The following ATP6V0A4 variants were observed in gnomAD, a reference collection of about 807,000 sequenced individuals.
ATP6V0A4 encodes the protein ATPase H+ transporting V0 subunit a4, also known as V-type proton ATPase 116 kDa subunit a 4.
Under a neutral mutation model 107.3 loss-of-function variants are expected in ATP6V0A4, and 86 were observed. The observed-to-expected ratio is 0.80, with a 90% CI of 0.67 to 0.96. ATP6V0A4 has a LOEUF of 0.96. Among genes scored for constraint, ATP6V0A4 ranks in the 40% least tolerant of loss-of-function variants. ATP6V0A4 has a pLI of 0.00. For missense variants in ATP6V0A4, 908 were observed against 1,045.6 expected (o/e 0.87, Z 1.81); for synonymous variants, 353 against 381.4 (o/e 0.93, Z 0.87).
At chr7:138,771,304 A>G (rs1807375323) in intron 2 of ATP6V0A4, 40 bp from the exon 3 acceptor site, 6 of 1,604,996 alleles carry the variant, frequency 3.7e-6, no homozygotes, top group Middle Eastern at 1.7e-4. Flanking sequence ...ATTTAAGGTA[A>G]TAAATGTGTG....
intron 20 of ATP6V0A4, among the ~76,000 whole-genome samples, chr7:138,712,140 C>A (rs1468633901): frequency 6.6e-6 from 1 of 152,164 alleles, no homozygotes; most frequent in Non-Finnish European, 1.5e-5. Context: ...CCATGTTGGC[C>A]AGGCTGGTCT....
Position 138,730,931 on chromosome 7 carries a change from C to CTTTTT in ATP6V0A4, c.1908+1941_1908+1945dup, listed in dbSNP as rs66521953. On this transcript the variant is annotated intron_variant, in intron 17 of 21. Coordinates refer to ENST00000310018, the MANE Select transcript of ATP6V0A4 (RefSeq NM_020632.3). ...CAAGGCATTTTTTCTTCTTCTTCTT[C>CTTTTT]TTTTTTTATTTTTTTTTTTGAGACA... 4.9e-4 allele frequency among the ~76,000 whole-genome samples: 61 copies of CTTTTT among 123,738 alleles called. 1 individual carries two copies. Among genetic ancestry groups the CTTTTT allele is most frequent in the Admixed American group, 8.4e-4 (9 of 10,666 alleles). 81.2% of individuals were successfully genotyped at this position (123,738 alleles called of 152,430 possible).
At chr7:138,726,134 C>T (rs898884915) in intron 18 of ATP6V0A4, among the ~76,000 whole-genome samples, 5 of 151,996 alleles carry the variant, frequency 3.3e-5, no homozygotes, top group East Asian at 3.9e-4. Flanking sequence ...GGACTACAGG[C>T]GCCCGCCACC....
At chr7:138,722,060 A>G (rs560947128) in intron 18 of ATP6V0A4, 35 bp from the exon 19 acceptor site, 3 of 1,613,628 alleles carry the variant, frequency 1.9e-6, no homozygotes, top group East Asian at 4.5e-5. Flanking sequence ...AATGCGCTCA[A>G]CTCACCCTGA....
At chr7:138,770,848 G>GA (rs927820116) in intron 3 of ATP6V0A4, among the ~76,000 whole-genome samples, 2 of 151,828 alleles carry the variant, frequency 1.3e-5, no homozygotes, top group African/African-American at 2.4e-5. Context: ...CTACATAAGA[G>GA]AAAAAAAATT....
chr7:138,781,505 T>C (rs1416093840), intron 2 of ATP6V0A4, among the ~76,000 whole-genome samples: 1 of 152,118 alleles, frequency 6.6e-6, no homozygotes, highest in Non-Finnish European at 1.5e-5. Flanking sequence ...AATTATTTTG[T>C]ACTTTTAGTA....
intron 2 of ATP6V0A4, among the ~76,000 whole-genome samples, chr7:138,785,093 C>A (rs189769744): frequency 1.3e-5 from 2 of 152,102 alleles, no homozygotes; most frequent in Admixed American, 1.3e-4. Flanking sequence ...AGGATAAATA[C>A]AGAGCCAGCT....
chr7:138,747,882 G>C (rs979488781), intron 12 of ATP6V0A4, among the ~76,000 whole-genome samples: 7 of 152,048 alleles, frequency 4.6e-5, no homozygotes, highest in African/African-American at 1.7e-4. Context: ...AGCCTCTTGA[G>C]TAGCTGGAAC....
chr7:138,719,422 A>C (rs1202741314), intron 19 of ATP6V0A4, among the ~76,000 whole-genome samples: 1 of 152,090 alleles, frequency 6.6e-6, no homozygotes, highest in Non-Finnish European at 1.5e-5. Context: ...ATGCTTAGAG[A>C]GTTGGGAATG....
intron 1 of ATP6V0A4, among the ~76,000 whole-genome samples, chr7:138,790,812 G>A (rs890333618): frequency 7.2e-5 from 11 of 152,254 alleles, no homozygotes; most frequent in Middle Eastern, 6.8e-3. Context: ...TCCTGAGACC[G>A]GAATGACATG....
chr7:138,775,554 G>A (rs2117348818), intron 2 of ATP6V0A4, among the ~76,000 whole-genome samples: 1 of 151,922 alleles, frequency 6.6e-6, no homozygotes, highest in South Asian at 2.1e-4. Context: ...ACAGCTCACT[G>A]CAGCCTCAAC....
At chr7:138,723,157 G>A (rs1162859747) in intron 18 of ATP6V0A4, among the ~76,000 whole-genome samples, 2 of 152,126 alleles carry the variant, frequency 1.3e-5, no homozygotes, top group Non-Finnish European at 2.9e-5. Flanking sequence ...TGACTCCAGT[G>A]CATGTGCTTT....
intron 14 of ATP6V0A4, among the ~76,000 whole-genome samples, chr7:138,743,457 CA>C (rs11458268): frequency 5.7e-4 from 71 of 125,300 alleles, no homozygotes; most frequent in Non-Finnish European, 7.7e-4. Flanking sequence ...GACTCCATCT[CA>C]AAAAAAAAAA....
At chr7:138,717,449 G>T (rs778443173) in intron 19 of ATP6V0A4, among the ~76,000 whole-genome samples, 1 of 152,180 alleles carries the variant, frequency 6.6e-6, no homozygotes, top group Non-Finnish European at 1.5e-5. Flanking sequence ...GGAGGCTGAG[G>T]CAGGAGAATC....
rs11308035 is a variant in ATP6V0A4 at position 138,706,889 on chromosome 7, A to AT, written c.2430-173dup. The AT allele has an allele frequency of 0.074, 15,574 of 211,554 alleles. 741 individuals carry two copies. Among genetic ancestry groups the AT allele is most frequent in the African/African-American group, 0.2 (4,746 of 23,566 alleles). The allele number at this position is 211,554 out of a possible 1,614,324, so 13.1% of individuals were successfully genotyped here. A position where few individuals can be genotyped will look rare whatever the true frequency, so the allele number is the denominator to read the frequency against. Reference sequence around the variant, plus strand: ...GATGGCTGCCATGAGAATCCTGAGGATTTTTTTTTTTTTTTTTTTTTTGAG... The same window carrying AT: ...GATGGCTGCCATGAGAATCCTGAGGATTTTTTTTTTTTTTTTTTTTTTTGAG... On this transcript the variant is annotated intron_variant, in intron 21 of 21. Transcript: ENST00000310018.
At chr7:138,777,699 G>C (rs1352889758) in intron 2 of ATP6V0A4, among the ~76,000 whole-genome samples, 3 of 150,230 alleles carry the variant, frequency 2.0e-5, no homozygotes, top group Non-Finnish European at 4.4e-5. Context: ...CTGGAAAAAG[G>C]GAGTAGAAAT....
At chr7:138,776,872 C>T (rs1228627999) in intron 2 of ATP6V0A4, among the ~76,000 whole-genome samples, 2 of 152,142 alleles carry the variant, frequency 1.3e-5, no homozygotes, top group Non-Finnish European at 1.5e-5. Context: ...ATAGGCTGGA[C>T]GCGGTGGCTC....
At chr7:138,749,633 A>G (rs887813270) in intron 11 of ATP6V0A4, among the ~76,000 whole-genome samples, 1 of 151,682 alleles carries the variant, frequency 6.6e-6, no homozygotes, top group African/African-American at 2.4e-5. Flanking sequence ...CACTTTCTCA[A>G]TTCATCCCCC....
intron 14 of ATP6V0A4, among the ~76,000 whole-genome samples, chr7:138,740,082 G>A (rs935612832): frequency 1.4e-5 from 2 of 138,864 alleles, no homozygotes; most frequent in African/African-American, 5.3e-5. Flanking sequence ...GCAACAGAGT[G>A]AGACTCTGTT....
Sources: allele counts gnomAD v4.1 joint callset (sites outside exome capture counted in the v4.1 genomes callset), GRCh38; gene constraint gnomAD v4.1.1; transcripts MANE v1.5; gene names NCBI Gene and HGNC (gene_info 2026-07-23, HGNC 2026-07-21).